CSTPP1: variants seen among roughly 807,000 people sequenced by gnomAD.
CSTPP1 encodes the protein centriolar satellite-associated tubulin polyglutamylase complex regulator 1.
chr11:46,964,302 T>TG, the CSTPP1 span, among the ~76,000 whole-genome samples: 1 of 151,902 alleles, frequency 6.6e-6, no homozygotes, highest in Admixed American at 6.6e-5. Flanking sequence ...TTTTTTTTTT[T>TG]TGAAATGGAG....
At chr11:47,041,519 C>G in the CSTPP1 span, 1 of 375,992 alleles carries the variant, frequency 2.7e-6, no homozygotes, top group South Asian at 2.1e-5. Context: ...TCAACCACCA[C>G]CACTGAGAAG....
At chr11:47,137,879 A>G in the CSTPP1 span, 2 of 702,234 alleles carry the variant, frequency 2.8e-6, no homozygotes, top group East Asian at 5.4e-5. Context: ...GCCCCAAAAC[A>G]TAATACATTC....
chr11:47,155,581 C>T, the CSTPP1 span: 1 of 406,912 alleles, frequency 2.5e-6, no homozygotes, highest in South Asian at 3.1e-5. Context: ...TTACTGAAAA[C>T]TTACTATGTC....
At chr11:46,954,184 A>G in the CSTPP1 span, among the ~76,000 whole-genome samples, 7 of 152,222 alleles carry the variant, frequency 4.6e-5, no homozygotes, top group Admixed American at 4.6e-4. Flanking sequence ...AAGCATTACA[A>G]AATAATAATT....
the CSTPP1 span, among the ~76,000 whole-genome samples, chr11:46,957,689 A>T: frequency 6.6e-6 from 1 of 152,130 alleles, no homozygotes; most frequent in Admixed American, 6.6e-5. Flanking sequence ...TTCTTGAATT[A>T]TGTGTTTAAT....
At chr11:47,051,344 C>A in the CSTPP1 span, among the ~76,000 whole-genome samples, 8 of 152,310 alleles carry the variant, frequency 5.3e-5, no homozygotes, top group Middle Eastern at 3.4e-3. Flanking sequence ...TTAGATTACA[C>A]CAGGCTCTAC....
chr11:46,937,247 C>CA, the CSTPP1 span, among the ~76,000 whole-genome samples: 1 of 152,156 alleles, frequency 6.6e-6, no homozygotes, highest in Non-Finnish European at 1.5e-5. Context: ...AAGCATTTTT[C>CA]ATGCATCATT....
chr11:47,138,830 T>A, the CSTPP1 span, among the ~76,000 whole-genome samples: 3 of 151,818 alleles, frequency 2.0e-5, no homozygotes, highest in Non-Finnish European at 1.5e-5. Flanking sequence ...ATACAAAAAA[T>A]TAACCAGGCA....
chr11:47,077,215 T>G, the CSTPP1 span, among the ~76,000 whole-genome samples: 2 of 151,970 alleles, frequency 1.3e-5, no homozygotes, highest in Non-Finnish European at 2.9e-5. Flanking sequence ...TTTTTTTCTT[T>G]TTAGACAGAG....
chr11:47,053,608 A>G, the CSTPP1 span, among the ~76,000 whole-genome samples: 1 of 151,110 alleles, frequency 6.6e-6, no homozygotes, highest in Non-Finnish European at 1.5e-5. Context: ...CGACAGAGCA[A>G]GACTCTGCCT....
At chr11:47,067,779 C>T in the CSTPP1 span, among the ~76,000 whole-genome samples, 7 of 152,224 alleles carry the variant, frequency 4.6e-5, no homozygotes, top group Non-Finnish European at 8.8e-5. Context: ...GTTACGGCAG[C>T]CCGGACAGAC....
chr11:47,139,205 C>CCT, the CSTPP1 span, among the ~76,000 whole-genome samples: 1 of 152,046 alleles, frequency 6.6e-6, no homozygotes. Context: ...CTGTGGGGAG[C>CCT]CTCCGGCTCT....
the CSTPP1 span, chr11:47,158,002 C>T: frequency 7.9e-7 from 1 of 1,271,790 alleles, no homozygotes; most frequent in Admixed American, 1.7e-5. Flanking sequence ...CAACACGGCT[C>T]CAGAGGGGAA....
chr11:47,133,064 G>A, the CSTPP1 span, among the ~76,000 whole-genome samples: 3 of 152,168 alleles, frequency 2.0e-5, no homozygotes, highest in Non-Finnish European at 2.9e-5. Flanking sequence ...GGAAACTGAG[G>A]CATGGAGAGC....
At chr11:46,989,116 G>C in the CSTPP1 span, among the ~76,000 whole-genome samples, 3 of 151,948 alleles carry the variant, frequency 2.0e-5, no homozygotes. Flanking sequence ...TGTAATCCCA[G>C]CTACTAGGGA....
chr11:47,016,187 C>T, the CSTPP1 span, among the ~76,000 whole-genome samples: 1 of 151,976 alleles, frequency 6.6e-6, no homozygotes, highest in East Asian at 1.9e-4. Flanking sequence ...AGGGCATCTA[C>T]GAAAAACCTA....
chr11:47,068,018 C>CT, the CSTPP1 span, among the ~76,000 whole-genome samples: 51 of 146,282 alleles, frequency 3.5e-4, no homozygotes, highest in East Asian at 6.0e-4. Flanking sequence ...ATGGTAATTA[C>CT]TTTTTTTTTT....
At chr11:47,055,420 C>G in the CSTPP1 span, among the ~76,000 whole-genome samples, 12,436 of 129,918 alleles carry the variant, frequency 0.096, 1,770 homozygotes, top group African/African-American at 0.32. Flanking sequence ...AATAGGTAGT[C>G]TCCCTGCTTT....
At chr11:46,963,027 C>T in the CSTPP1 span, among the ~76,000 whole-genome samples, 25 of 152,232 alleles carry the variant, frequency 1.6e-4, no homozygotes, top group African/African-American at 5.5e-4. Flanking sequence ...TCTTAGATTT[C>T]TTAGGATTTT....
Sources: allele counts gnomAD v4.1 joint callset (sites outside exome capture counted in the v4.1 genomes callset), GRCh38; gene constraint gnomAD v4.1.1; transcripts MANE v1.5; gene names NCBI Gene and HGNC (gene_info 2026-07-23, HGNC 2026-07-21).